Variants in SHISA6 observed in about 807,000 individuals in gnomAD.
SHISA6 encodes the protein protein shisa-6.
A neutral mutation model predicts 47.9 loss-of-function variants in SHISA6; 22 were observed. That is an observed-to-expected ratio of 0.46 (90% CI 0.33 to 0.66). The LOEUF (loss-of-function observed/expected upper bound fraction) is 0.66, where lower values mean the gene tolerates loss of function less well. Among genes scored for constraint, SHISA6 ranks in the 30% least tolerant of loss-of-function variants. The pLI is 0.02. For missense variants in SHISA6, 680 were observed against 764.6 expected, an observed-to-expected ratio of 0.89 and a Z score of 1.30; for synonymous variants, 388 against 337.8, an observed-to-expected ratio of 1.15 and a Z score of -1.63.
At chr17:11,329,882 T>G (rs1911036039) in intron 2 of SHISA6, among the ~76,000 whole-genome samples, 1 of 152,070 alleles carries the variant, frequency 6.6e-6, no homozygotes, top group African/African-American at 2.4e-5. Context: ...GGTGCTCCAG[T>G]GATGCTTTTC....
chr17:11,430,063 A>C (rs1204458556), intron 3 of SHISA6, among the ~76,000 whole-genome samples: 3 of 152,132 alleles, frequency 2.0e-5, no homozygotes, highest in Admixed American at 6.5e-5. Context: ...TTATCTCCTC[A>C]CTTTTGAGAT....
In SHISA6 at chr17:11,241,554, C is replaced by G; in HGVS notation, c.132C>G (p.Gly44=). 2 of 1,085,036 alleles carry G rather than the reference C, an allele frequency of 1.8e-6. No homozygotes were observed. The highest frequency in any genetic ancestry group is 4.0e-5 in the South Asian group (1 of 24,740). 67.2% of individuals were successfully genotyped at this position (1,085,036 alleles called of 1,614,324 possible). A position where few individuals can be genotyped will look rare whatever the true frequency, so the allele number is the denominator to read the frequency against. ...TLSAGGAAVG[G]RRAGGALARG... is the part of the protein sequence containing the mutation. ...GTGCAGGCGGCGCTGCCGTCGGGGG[C>G]CGGAGGGCCGGGGGCGCCCTGGCAC... Residue 44 remains glycine (G), a synonymous_variant, in exon 1 of 6, where the codon GGC becomes GGG. Transcript: ENST00000441885. This position sits in a 1 kb window ranked among gnomAD's most constrained non-coding sequence, Gnocchi z 5.5.
chr17:11,462,848 G>A (rs1183323570), intron 3 of SHISA6, among the ~76,000 whole-genome samples: 2 of 152,064 alleles, frequency 1.3e-5, no homozygotes, highest in Non-Finnish European at 2.9e-5. Context: ...GGCTGGTCTC[G>A]AACTTCTGAC....
intron 2 of SHISA6, among the ~76,000 whole-genome samples, chr17:11,348,267 G>A (rs1181536828): frequency 1.3e-5 from 2 of 152,170 alleles, no homozygotes; most frequent in South Asian, 4.1e-4. Context: ...TAAGTTATTT[G>A]TTTATGTAAA....
At chr17:11,518,623 G>T (rs942843970) in intron 3 of SHISA6, among the ~76,000 whole-genome samples, 1 of 152,098 alleles carries the variant, frequency 6.6e-6, no homozygotes, top group African/African-American at 2.4e-5. Context: ...TCTGTGGTAA[G>T]ACAGTCATCC....
intron 3 of SHISA6, among the ~76,000 whole-genome samples, chr17:11,537,792 G>A (rs746475625): frequency 1.1e-4 from 17 of 152,228 alleles, no homozygotes; most frequent in Middle Eastern, 3.4e-3. Context: ...ATTGTGCTAC[G>A]GTAAACACAA....
chr17:11,501,407 A>G (rs969822179), intron 3 of SHISA6, among the ~76,000 whole-genome samples: 2 of 152,240 alleles, frequency 1.3e-5, no homozygotes, highest in Non-Finnish European at 2.9e-5. Context: ...ACAAATTTTT[A>G]AAAGTATATA....
intron 4 of SHISA6, 71 bp from the exon 5 acceptor site, chr17:11,555,669 G>A (rs1233877792): frequency 1.4e-6 from 2 of 1,438,718 alleles, no homozygotes; most frequent in Non-Finnish European, 1.8e-6. Flanking sequence ...CGAATCAGGG[G>A]TGAGGCAGAA....
chr17:11,365,969 C>A (rs924780398), intron 2 of SHISA6, among the ~76,000 whole-genome samples: 4 of 152,102 alleles, frequency 2.6e-5, no homozygotes, highest in African/African-American at 9.7e-5. Flanking sequence ...CATCTGAGGA[C>A]AGAGAGTTCC....
intron 3 of SHISA6, among the ~76,000 whole-genome samples, chr17:11,500,881 T>G (rs1379956446): frequency 6.6e-6 from 1 of 152,152 alleles, no homozygotes. Context: ...AAGGTTGTTT[T>G]TTCCCAAAGC....
At chr17:11,315,681 A>G (rs1910485418) in intron 2 of SHISA6, among the ~76,000 whole-genome samples, 1 of 152,180 alleles carries the variant, frequency 6.6e-6, no homozygotes. Flanking sequence ...GAATTATATA[A>G]CATATTTTGA....
rs75241723 is a variant in SHISA6 at position 11,418,058 on chromosome 17, C to T, written c.895+38549C>T. Among the ~76,000 whole-genome samples the T allele has an allele frequency of 3.0e-3, 464 of 152,198 alleles. 4 individuals carry two copies. Among genetic ancestry groups the T allele is most frequent in the African/African-American group, 0.011 (441 of 41,524 alleles). ...GGAATACACCTCACATGTGTTCTTCCCTAACCCTCAAACTTCATAACAAAT... is the reference window on the plus strand; with the variant it reads ...GGAATACACCTCACATGTGTTCTTCTCTAACCCTCAAACTTCATAACAAAT... On this transcript the variant is annotated intron_variant, in intron 3 of 5. Transcript: ENST00000441885.
intron 2 of SHISA6, among the ~76,000 whole-genome samples, chr17:11,277,241 TTCTCTCTCTCTCTCTCTC>T (rs139388009): frequency 2.6e-5 from 2 of 78,094 alleles, no homozygotes; most frequent in African/African-American, 5.9e-5. Context: ...CGGTTTCTCT[TTCTCTCTCTCTCTCTCTC>T]TCTCTCTCTC....
intron 2 of SHISA6, among the ~76,000 whole-genome samples, chr17:11,366,024 G>A (rs1912439886): frequency 6.6e-6 from 1 of 152,204 alleles, no homozygotes; most frequent in African/African-American, 2.4e-5. Flanking sequence ...ACAGGCATAA[G>A]CTGGGAATGC....
intron 3 of SHISA6, among the ~76,000 whole-genome samples, chr17:11,505,167 C>T (rs781333516): frequency 2.0e-5 from 3 of 152,206 alleles, no homozygotes; most frequent in African/African-American, 7.2e-5. Context: ...GAAAGTCCAG[C>T]GATCGCTGTC....
intron 3 of SHISA6, among the ~76,000 whole-genome samples, chr17:11,475,164 T>G (rs1916023308): frequency 6.6e-6 from 1 of 152,166 alleles, no homozygotes; most frequent in Non-Finnish European, 1.5e-5. Context: ...TAATCACATA[T>G]TAGTACCAGT....
chr17:11,421,680 C>T (rs1305019018), intron 3 of SHISA6, among the ~76,000 whole-genome samples: 1 of 152,220 alleles, frequency 6.6e-6, no homozygotes, highest in African/African-American at 2.4e-5. Flanking sequence ...TCTGTCTTCC[C>T]TCAGTTGCTG....
Position 11,294,259 on chromosome 17 carries a change from A to G in SHISA6, c.799+30733A>G, listed in dbSNP as rs541104656. Among the ~76,000 whole-genome samples the G allele has an allele frequency of 3.8e-4, 58 of 152,304 alleles. 1 individual carries two copies. In the South Asian group the frequency reaches 3.9e-3, roughly 10 times the overall value. On this transcript the variant is annotated intron_variant, in intron 2 of 5. Coordinates refer to ENST00000441885, the MANE Select transcript of SHISA6 (RefSeq NM_207386.4). The stretch of plus-strand genomic sequence containing the variant: ...TCCAACAAAACCTTCAGAGATACCC[A>G]AAGGCTCCCATACAGTCTTCACTCT...
At chr17:11,317,328 TTTACCAAAATGCAGTA>T (rs1910557064) in intron 2 of SHISA6, among the ~76,000 whole-genome samples, 1 of 152,064 alleles carries the variant, frequency 6.6e-6, no homozygotes, top group Admixed American at 6.5e-5. Context: ...GTTTATAGTT[TTTACCAAAATGCAGTA>T]TTTGTTTTTA....
Sources: allele counts gnomAD v4.1 joint callset (sites outside exome capture counted in the v4.1 genomes callset), GRCh38; gene constraint gnomAD v4.1.1; non-coding constraint Gnocchi (gnomAD v3.1); transcripts MANE v1.5; gene names NCBI Gene and HGNC (gene_info 2026-07-23, HGNC 2026-07-21).